The following GULP1 variants were observed in gnomAD, a reference collection of about 807,000 sequenced individuals.
GULP1 encodes the protein GULP PTB domain containing engulfment adaptor 1, also known as PTB domain-containing engulfment adapter protein 1.
A neutral mutation model predicts 40.9 loss-of-function variants in GULP1; 19 were observed. That is an observed-to-expected ratio of 0.46 (90% confidence interval 0.32 to 0.68). The LOEUF (loss-of-function observed/expected upper bound fraction) is 0.68, where lower values mean the gene tolerates loss of function less well. Among genes scored for constraint, GULP1 ranks in the 30% least tolerant of loss-of-function variants. GULP1 has a pLI of 0.03. For missense variants in GULP1, 312 were observed against 362.2 expected, an observed-to-expected ratio of 0.86 and a Z score of 1.12; for synonymous variants, 119 against 117.6, an observed-to-expected ratio of 1.01 and a Z score of -0.08.
intron 4 of GULP1, among the ~76,000 whole-genome samples, chr2:188,494,877 A>G (rs2062754475): frequency 6.6e-6 from 1 of 151,908 alleles, no homozygotes; most frequent in African/African-American, 2.4e-5. Context: ...CCTTGAACAT[A>G]CACAGACTCC....
At chr2:188,532,268 C>A (rs1345014421) in intron 6 of GULP1, among the ~76,000 whole-genome samples, 2 of 152,046 alleles carry the variant, frequency 1.3e-5, no homozygotes, top group Admixed American at 6.6e-5. Context: ...TTGATAATCA[C>A]GTTTAAATAT....
chr2:188,492,008 A>G (rs1248201589), intron 4 of GULP1, among the ~76,000 whole-genome samples: 2 of 151,994 alleles, frequency 1.3e-5, no homozygotes, highest in Non-Finnish European at 2.9e-5. Flanking sequence ...CTAAACCTTT[A>G]AATCATTTTC....
intron 1 of GULP1, among the ~76,000 whole-genome samples, chr2:188,360,368 A>G (rs999336326): frequency 1.3e-5 from 2 of 152,072 alleles, no homozygotes; most frequent in Non-Finnish European, 2.9e-5. Flanking sequence ...TAGGCAACTC[A>G]ATATTTTCTT....
intron 9 of GULP1, among the ~76,000 whole-genome samples, chr2:188,575,188 G>A (rs998403844): frequency 1.3e-5 from 2 of 152,122 alleles, no homozygotes; most frequent in African/African-American, 4.8e-5. Flanking sequence ...TCATCACTGG[G>A]ATTTTGAAAT....
chr2:188,559,484 A>T (rs966881200), intron 7 of GULP1, among the ~76,000 whole-genome samples: 3 of 152,174 alleles, frequency 2.0e-5, no homozygotes, highest in Admixed American at 1.3e-4. Flanking sequence ...CGGAAGGGAA[A>T]TGTGGGGTCA....
chr2:188,440,517 A>G (rs2057821230), intron 2 of GULP1, among the ~76,000 whole-genome samples: 1 of 152,150 alleles, frequency 6.6e-6, no homozygotes. Context: ...TACATTGTTT[A>G]TGTGTTATGG....
intron 1 of GULP1, among the ~76,000 whole-genome samples, chr2:188,361,361 C>T (rs1447938897): frequency 6.6e-6 from 1 of 151,056 alleles, no homozygotes; most frequent in Non-Finnish European, 1.5e-5. Flanking sequence ...TGAGGCACAG[C>T]AAGAAGATTT....
chr2:188,564,451 AAAAG>A (rs1186819634), intron 7 of GULP1, among the ~76,000 whole-genome samples: 15 of 152,106 alleles, frequency 9.9e-5, no homozygotes, highest in East Asian at 3.9e-4. Flanking sequence ...TCTACTAGCA[AAAAG>A]AAAGAAAGAA....
intron 4 of GULP1, among the ~76,000 whole-genome samples, chr2:188,483,884 A>G (rs2061634448): frequency 6.6e-6 from 1 of 152,158 alleles, no homozygotes; most frequent in Non-Finnish European, 1.5e-5. Context: ...TCATAAATGT[A>G]ATTATCATTC....
At chr2:188,475,889 AAAG>A (rs1490626986) in intron 2 of GULP1, among the ~76,000 whole-genome samples, 1 of 152,138 alleles carries the variant, frequency 6.6e-6, no homozygotes, top group Admixed American at 6.6e-5. Context: ...TTTTGAAAAA[AAAG>A]AGAAGTACAG....
intron 2 of GULP1, among the ~76,000 whole-genome samples, chr2:188,445,713 G>A (rs1234533767): frequency 6.6e-6 from 1 of 152,142 alleles, no homozygotes; most frequent in Non-Finnish European, 1.5e-5. Context: ...GGGACATTTA[G>A]AACAGTGTTG....
intron 4 of GULP1, among the ~76,000 whole-genome samples, chr2:188,515,005 A>G (rs958967406): frequency 2.0e-5 from 3 of 152,198 alleles, no homozygotes; most frequent in African/African-American, 4.8e-5. Flanking sequence ...GAGAGCTACA[A>G]TGAACATCCG....
chr2:188,522,256 GA>G (rs1024412003), intron 4 of GULP1, among the ~76,000 whole-genome samples: 78 of 149,898 alleles, frequency 5.2e-4, no homozygotes, highest in African/African-American at 1.6e-3. Context: ...ATGTTTACTT[GA>G]AAAAAAAAGC....
At chr2:188,437,358 C>T (rs2057501459) in intron 2 of GULP1, among the ~76,000 whole-genome samples, 1 of 151,996 alleles carries the variant, frequency 6.6e-6, no homozygotes, top group African/African-American at 2.4e-5. Context: ...TTATACATTG[C>T]GATCATCTGT....
intron 2 of GULP1, among the ~76,000 whole-genome samples, chr2:188,394,228 A>AT (rs2050917032): frequency 6.6e-6 from 1 of 151,480 alleles, no homozygotes; most frequent in Admixed American, 6.6e-5. Context: ...TCTTCTGTTT[A>AT]TTTTTTCTTT....
chr2:188,307,651 G>A (rs1574281423), intron 1 of GULP1, among the ~76,000 whole-genome samples: 3 of 152,062 alleles, frequency 2.0e-5, no homozygotes, highest in East Asian at 1.9e-4. Context: ...AAGGAAAAAA[G>A]GCTAGTTTCC....
chr2:188,308,875 G>C (rs781730424), intron 1 of GULP1, among the ~76,000 whole-genome samples: 2 of 152,108 alleles, frequency 1.3e-5, no homozygotes, highest in Non-Finnish European at 2.9e-5. Context: ...GTATAAAAGA[G>C]AGTATCTGCC....
chr2:188,460,674 C>G (rs1204463135), intron 2 of GULP1, among the ~76,000 whole-genome samples: 6 of 152,184 alleles, frequency 3.9e-5, no homozygotes. Flanking sequence ...CCAGCTAGGA[C>G]TTCCAGTACT....
chr2:188,322,647 T>G (rs2040160038), intron 1 of GULP1, among the ~76,000 whole-genome samples: 1 of 152,134 alleles, frequency 6.6e-6, no homozygotes, highest in African/African-American at 2.4e-5. Flanking sequence ...TAAAGGTTTA[T>G]TTTGGAAATG....
Sources: allele counts gnomAD v4.1 joint callset (sites outside exome capture counted in the v4.1 genomes callset), GRCh38; gene constraint gnomAD v4.1.1; transcripts MANE v1.5; gene names NCBI Gene and HGNC (gene_info 2026-07-23, HGNC 2026-07-21).